The following RAB10 variants were observed in gnomAD, a reference collection of about 807,000 sequenced individuals.
The protein encoded by RAB10 is RAB10, member RAS oncogene family.
A neutral mutation model predicts 25.7 loss-of-function variants in RAB10; 5 were observed. The ratio of observed to expected loss-of-function variants is 0.19; its 90% CI spans 0.10 to 0.41. The LOEUF (loss-of-function observed/expected upper bound fraction) is 0.41. RAB10 is among the 10% of genes least tolerant of loss of function. RAB10 has a pLI of 1.00. For synonymous variants in RAB10, 89 were observed against 86.4 expected, an observed-to-expected ratio of 1.03 and a Z score of -0.16; for missense variants, 103 against 245.8, an observed-to-expected ratio of 0.42 and a Z score of 3.89.
intron 1 of RAB10, among the ~76,000 whole-genome samples, chr2:26,051,260 GT>G (rs1171171491): frequency 7.6e-6 from 1 of 130,796 alleles, no homozygotes; most frequent in African/African-American, 2.8e-5. Context: ...TAAAATTCTT[GT>G]TTTTTGAATA....
At chr2:26,126,359 C>G (rs1667903147) in intron 3 of RAB10, among the ~76,000 whole-genome samples, 1 of 152,132 alleles carries the variant, frequency 6.6e-6, no homozygotes, top group Non-Finnish European at 1.5e-5. Flanking sequence ...GGGTGGATCA[C>G]TTGAGGCCAG....
At chr2:26,036,459 GAC>G (rs1559574534) in intron 1 of RAB10, among the ~76,000 whole-genome samples, 1 of 152,112 alleles carries the variant, frequency 6.6e-6, no homozygotes, top group African/African-American at 2.4e-5. Flanking sequence ...GGGAGGTCAA[GAC>G]CAGTTTGGCC....
intron 3 of RAB10, among the ~76,000 whole-genome samples, chr2:26,114,028 A>AC (rs2149285272): frequency 6.6e-6 from 1 of 152,326 alleles, no homozygotes; most frequent in Non-Finnish European, 1.5e-5. Context: ...AGTAAATTTA[A>AC]CCAAAAGAGT....
chr2:26,098,530 A>G, intron 1 of RAB10, 132 bp from the exon 2 acceptor site: 1 of 682,638 alleles, frequency 1.5e-6, no homozygotes, highest in South Asian at 1.7e-5. Context: ...TCAGTGTTGC[A>G]TACTTGGTGA....
Position 26,109,863 on chromosome 2 carries a change from A to G in RAB10, c.284A>G (p.Lys95Arg). 2 of 1,610,926 alleles carry G rather than the reference A, an allele frequency of 1.2e-6. No individual in the cohort carries two copies. Among genetic ancestry groups the G allele is most frequent in the Non-Finnish European group, 1.7e-6 (2 of 1,178,724 alleles). The change falls in exon 3 of 6, where the codon AAA becomes AGA. Residue 95 changes from lysine to arginine, a missense_variant. Physicochemically the swap from Lys to Arg is conservative, Grantham distance 26. Transcript: ENST00000264710. ...IMLVYDITNG[K>R]SFENISKWLR... ...CTAGTATATGACATCACCAATGGTA[A>G]AAGTTTTGAAAACATCAGCAAATGG...
chr2:26,072,001 A>G (rs1239250392), intron 1 of RAB10, among the ~76,000 whole-genome samples: 2 of 152,218 alleles, frequency 1.3e-5, no homozygotes, highest in African/African-American at 2.4e-5. Context: ...ATAATGAAAT[A>G]CGCCAACATT....
intron 1 of RAB10, among the ~76,000 whole-genome samples, chr2:26,074,138 A>G (rs374729274): frequency 7.9e-5 from 12 of 152,228 alleles, no homozygotes; most frequent in African/African-American, 2.9e-4. Flanking sequence ...AGGAGACAGT[A>G]TCAGGAAGAT....
intron 1 of RAB10, among the ~76,000 whole-genome samples, chr2:26,037,677 A>G (rs1218805682): frequency 6.6e-6 from 1 of 151,968 alleles, no homozygotes; most frequent in Admixed American, 6.6e-5. Context: ...TATCTACCAC[A>G]TAGGGTAGTT....
At chr2:26,087,466 A>G (rs148145716) in intron 1 of RAB10, among the ~76,000 whole-genome samples, 2 of 152,256 alleles carry the variant, frequency 1.3e-5, no homozygotes, top group African/African-American at 4.8e-5. Flanking sequence ...GCAATGGCGC[A>G]ATCTCGGCTC....
chr2:26,078,995 C>T (rs1666800104), intron 1 of RAB10, among the ~76,000 whole-genome samples: 1 of 152,136 alleles, frequency 6.6e-6, no homozygotes, highest in African/African-American at 2.4e-5. Context: ...CAAGACCATT[C>T]TGGTGACATG....
intron 1 of RAB10, among the ~76,000 whole-genome samples, chr2:26,094,344 C>T (rs76643697): frequency 3.9e-5 from 6 of 151,944 alleles, no homozygotes; most frequent in Admixed American, 2.6e-4. Context: ...CTCCACCTCC[C>T]GGGTTCAAGC....
intron 1 of RAB10, among the ~76,000 whole-genome samples, chr2:26,072,835 A>C (rs931196743): frequency 6.6e-6 from 1 of 152,190 alleles, no homozygotes; most frequent in Non-Finnish European, 1.5e-5. Flanking sequence ...AATGTCATTT[A>C]TGTTAACATG....
chr2:26,096,586 A>G (rs1189469331), intron 1 of RAB10, among the ~76,000 whole-genome samples: 1 of 152,208 alleles, frequency 6.6e-6, no homozygotes, highest in Non-Finnish European at 1.5e-5. Flanking sequence ...ATAGGGAACT[A>G]CTTTTGAAAA....
chr2:26,073,191 T>G (rs550502683), intron 1 of RAB10, among the ~76,000 whole-genome samples: 4 of 152,296 alleles, frequency 2.6e-5, no homozygotes, highest in Admixed American at 1.3e-4. Context: ...GTTGTTGATT[T>G]TAAAAGTAGA....
At chr2:26,047,204 T>A (rs536244882) in intron 1 of RAB10, among the ~76,000 whole-genome samples, 2 of 152,318 alleles carry the variant, frequency 1.3e-5, no homozygotes, top group Non-Finnish European at 2.9e-5. Flanking sequence ...CATGTTCTTT[T>A]GTAATTATAG....
chr2:26,098,041 A>T (rs1474601283), intron 1 of RAB10, among the ~76,000 whole-genome samples: 1 of 150,002 alleles, frequency 6.7e-6, no homozygotes, highest in African/African-American at 2.5e-5. Context: ...AGATATTTTA[A>T]ATTTTACTTT....
intron 1 of RAB10, among the ~76,000 whole-genome samples, chr2:26,038,138 A>G (rs28361511): frequency 0.028 from 4,294 of 151,458 alleles, 207 homozygotes; most frequent in African/African-American, 0.1. Context: ...TGCCCGCCTC[A>G]GCGTCTCAAA....
At chr2:26,112,706 T>A (rs1667599351) in intron 3 of RAB10, among the ~76,000 whole-genome samples, 1 of 152,120 alleles carries the variant, frequency 6.6e-6, no homozygotes, top group African/African-American at 2.4e-5. Context: ...AAGGCTGCAG[T>A]GAGCTATTAT....
rs1426281610 is a variant in RAB10 at position 26,134,999 on chromosome 2, G to A, written c.581G>A (p.Gly194Asp). The change falls in exon 6 of 6, where the codon GGC becomes GAC. Residue 194 changes from glycine to aspartate, a missense_variant. Gly to Asp is a moderately conservative substitution (Grantham distance 94, BLOSUM62 -1). This residue lies in a region of RAB10 where 24 missense variants were observed against 28.0 expected (regional missense o/e 0.86). Coordinates refer to ENST00000264710, the MANE Select transcript of RAB10 (RefSeq NM_016131.5). ...VDISSGGGVTGWKSKCC is the reference protein window; with the variant it reads ...VDISSGGGVTDWKSKCC ...ATCAGCAGTGGAGGAGGCGTGACAGGCTGGAAGAGCAAATGCTGCTGAGCA... is the reference window on the plus strand; with the variant it reads ...ATCAGCAGTGGAGGAGGCGTGACAGACTGGAAGAGCAAATGCTGCTGAGCA... 1.9e-6 allele frequency: 3 copies of A among 1,613,454 alleles called. No individual in the cohort carries two copies. In the African/African-American group the frequency reaches 4.0e-5, roughly 22 times the overall value.
Sources: allele counts gnomAD v4.1 joint callset (sites outside exome capture counted in the v4.1 genomes callset), GRCh38; gene constraint gnomAD v4.1.1; regional missense constraint gnomAD v4.1.1; transcripts MANE v1.5; gene names NCBI Gene and HGNC (gene_info 2026-07-23, HGNC 2026-07-21).